The following CFAP299 variants were observed in gnomAD, a reference collection of about 807,000 sequenced individuals.
CFAP299 encodes the protein cilia and flagella associated protein 299.
Under a neutral mutation model 27.0 loss-of-function variants are expected in CFAP299, and 21 were observed. That is an observed-to-expected ratio of 0.78 (90% CI 0.55 to 1.12). CFAP299 has a LOEUF of 1.12. Ranked by LOEUF, CFAP299 falls within the 50% of genes most tolerant of loss-of-function variation. CFAP299 has a pLI of 0.00. For synonymous variants in CFAP299, 104 were observed against 98.1 expected (o/e 1.06, Z -0.36); for missense variants, 310 against 276.6 (o/e 1.12, Z -0.86).
intron 3 of CFAP299, among the ~76,000 whole-genome samples, chr4:80,819,429 A>T (rs1729587160): frequency 6.6e-6 from 1 of 152,122 alleles, no homozygotes; most frequent in African/African-American, 2.4e-5. Context: ...GAGCGAATGG[A>T]ATCAGATAAA....
chr4:80,583,598 A>C (rs1250647016), intron 3 of CFAP299, among the ~76,000 whole-genome samples: 1 of 151,938 alleles, frequency 6.6e-6, no homozygotes, highest in East Asian at 1.9e-4. Context: ...CTACCTTGGA[A>C]GATGGGATAC....
chr4:80,393,552 AC>A (rs1047783747), intron 2 of CFAP299, among the ~76,000 whole-genome samples: 5 of 152,250 alleles, frequency 3.3e-5, no homozygotes, highest in Admixed American at 2.6e-4. Flanking sequence ...TTTTTACAGT[AC>A]CTTTTCTATG....
chr4:80,837,444 A>G (rs1169383522), intron 3 of CFAP299, among the ~76,000 whole-genome samples: 1 of 151,558 alleles, frequency 6.6e-6, no homozygotes, highest in African/African-American at 2.4e-5. Context: ...TAGCCCCCCA[A>G]CCCCCGACAG....
rs568198214 is a variant in CFAP299 at position 80,860,184 on chromosome 4, T to G, written c.334-9809T>G. ...TTTCATCTTCCATCGCTGATACCCTTTCTTCCAGTTGATCGCATCGGCTCC... is the reference window on the plus strand; with the variant it reads ...TTTCATCTTCCATCGCTGATACCCTGTCTTCCAGTTGATCGCATCGGCTCC... On this transcript the variant is annotated intron_variant, in intron 3 of 5. Coordinates refer to ENST00000358105, the MANE Select transcript of CFAP299 (RefSeq NM_152770.3). 4.0e-3 allele frequency among the ~76,000 whole-genome samples: 607 copies of G among 152,338 alleles called. 3 individuals are homozygous for G. Among genetic ancestry groups the G allele is most frequent in the Non-Finnish European group, 4.7e-3 (320 of 68,034 alleles).
chr4:80,403,341 G>A lies in CFAP299; in HGVS notation c.242+40457G>A, dbSNP rs368503918. Reference sequence around the variant, plus strand: ...TTTGCGATAAGCAAATAATCTTCAAGCAAAGAAGATACAGTATAGGAAATA... The same window carrying A: ...TTTGCGATAAGCAAATAATCTTCAAACAAAGAAGATACAGTATAGGAAATA... On this transcript the variant is annotated intron_variant, in intron 2 of 5. Coordinates refer to ENST00000358105, the MANE Select transcript of CFAP299 (RefSeq NM_152770.3). 4.6e-5 allele frequency among the ~76,000 whole-genome samples: 7 copies of A among 152,272 alleles called. No homozygotes were observed. In the East Asian group the frequency reaches 9.6e-4, roughly 21 times the overall value.
intron 3 of CFAP299, among the ~76,000 whole-genome samples, chr4:80,725,108 C>A (rs1312635415): frequency 1.6e-5 from 2 of 125,518 alleles, no homozygotes; most frequent in African/African-American, 6.8e-5. Flanking sequence ...CCATGCCTGG[C>A]CAATTTTTTT....
At chr4:80,515,592 A>C (rs1281439131) in intron 2 of CFAP299, among the ~76,000 whole-genome samples, 1 of 152,184 alleles carries the variant, frequency 6.6e-6, no homozygotes, top group Non-Finnish European at 1.5e-5. Flanking sequence ...ATTTATCTCC[A>C]GTGAACTTTC....
At chr4:80,413,852 C>A (rs1402792829) in intron 2 of CFAP299, among the ~76,000 whole-genome samples, 1 of 149,270 alleles carries the variant, frequency 6.7e-6, no homozygotes, top group African/African-American at 2.5e-5. Context: ...TCTGTCCAAG[C>A]AGTTAGAAAT....
At chr4:80,595,566 T>C (rs1461224839) in intron 3 of CFAP299, among the ~76,000 whole-genome samples, 1 of 152,204 alleles carries the variant, frequency 6.6e-6, no homozygotes, top group Non-Finnish European at 1.5e-5. Flanking sequence ...GACTTGTTGA[T>C]ATAAATGCTC....
intron 2 of CFAP299, among the ~76,000 whole-genome samples, chr4:80,477,199 C>T (rs1037981344): frequency 2.6e-5 from 4 of 152,038 alleles, no homozygotes; most frequent in Non-Finnish European, 5.9e-5. Flanking sequence ...GTAGTTGGGA[C>T]TACAGGCACA....
chr4:80,480,851 G>T (rs535685264), intron 2 of CFAP299, among the ~76,000 whole-genome samples: 1 of 151,704 alleles, frequency 6.6e-6, no homozygotes, highest in East Asian at 1.9e-4. Flanking sequence ...AAACCTATTT[G>T]CCCATAAAAT....
At chr4:80,422,889 T>A (rs1007751904) in intron 2 of CFAP299, among the ~76,000 whole-genome samples, 1 of 152,192 alleles carries the variant, frequency 6.6e-6, no homozygotes, top group Non-Finnish European at 1.5e-5. Flanking sequence ...TCACAGAGTA[T>A]ACTTATGTAA....
intron 3 of CFAP299, among the ~76,000 whole-genome samples, chr4:80,844,440 A>G (rs926052601): frequency 7.9e-5 from 12 of 151,980 alleles, no homozygotes; most frequent in Non-Finnish European, 7.4e-5. Flanking sequence ...TTTAATGATC[A>G]CCATTCTAAC....
At chr4:80,705,137 A>G (rs774229109) in intron 3 of CFAP299, among the ~76,000 whole-genome samples, 1 of 151,860 alleles carries the variant, frequency 6.6e-6, no homozygotes, top group Non-Finnish European at 1.5e-5. Flanking sequence ...CTCCAATTAC[A>G]TTAAATAATA....
intron 5 of CFAP299, among the ~76,000 whole-genome samples, chr4:80,945,572 A>C (rs1474688661): frequency 6.6e-6 from 1 of 152,078 alleles, no homozygotes; most frequent in Non-Finnish European, 1.5e-5. Context: ...CTTTGCTTGA[A>C]GTCATTATGT....
At chr4:80,380,153 T>A (rs1392500538) in intron 2 of CFAP299, among the ~76,000 whole-genome samples, 1 of 152,298 alleles carries the variant, frequency 6.6e-6, no homozygotes, top group East Asian at 1.9e-4. Context: ...CATTGTTCAA[T>A]ATCATCTTCA....
intron 3 of CFAP299, among the ~76,000 whole-genome samples, chr4:80,803,002 A>G (rs1212743648): frequency 6.6e-6 from 1 of 152,242 alleles, no homozygotes; most frequent in Non-Finnish European, 1.5e-5. Flanking sequence ...ACATCATGCA[A>G]TAGAATAAAT....
At position 80,859,488 on chromosome 4, in the gene CFAP299, T is replaced by G. The variant is rs924930452; in HGVS notation, c.334-10505T>G. Reference sequence around the variant, plus strand: ...CTGGTTATTTTGCTCGTTAGTTGATTCAGTTTCTTCCTAGTCTCGATGGTC... The same window carrying G: ...CTGGTTATTTTGCTCGTTAGTTGATGCAGTTTCTTCCTAGTCTCGATGGTC... On this transcript the variant is annotated intron_variant, in intron 3 of 5. Coordinates refer to ENST00000358105, the MANE Select transcript of CFAP299 (RefSeq NM_152770.3). 3.0e-4 allele frequency among the ~76,000 whole-genome samples: 46 copies of G among 152,230 alleles called. No homozygotes were observed. The East Asian group carries it at 8.3e-3, about 27-fold the overall frequency.
chr4:80,794,040 G>A (rs192380262), intron 3 of CFAP299, among the ~76,000 whole-genome samples: 6 of 152,256 alleles, frequency 3.9e-5, no homozygotes, highest in Non-Finnish European at 5.9e-5. Flanking sequence ...ATTAATCACA[G>A]GGCATAGTAA....
Sources: gnomAD v4.1 joint callset for allele counts (sites outside exome capture counted in the v4.1 genomes callset) on GRCh38, gnomAD v4.1.1 for gene constraint, MANE v1.5 for transcripts, NCBI Gene and HGNC (gene_info 2026-07-23, HGNC 2026-07-21) for gene names.